STEAP3: variants seen among roughly 807,000 people sequenced by gnomAD.
STEAP3 encodes STEAP3 metalloreductase.
STEAP3 carries 35 observed loss-of-function variants against 34.9 expected under a neutral mutation model. The ratio of observed to expected loss-of-function variants is 1.00; its 90% CI spans 0.76 to 1.33. The LOEUF (loss-of-function observed/expected upper bound fraction) is 1.33. STEAP3 is among the 40% of genes most tolerant of loss of function. The pLI is 0.00. For missense variants in STEAP3, 652 were observed against 667.6 expected (o/e 0.98, Z 0.26); for synonymous variants, 281 against 301.6 (o/e 0.93, Z 0.71).
intron 2 of STEAP3, among the ~76,000 whole-genome samples, chr2:119,231,342 C>CGTGTGTGTGTGT (rs6146901): frequency 0.018 from 2,635 of 143,560 alleles, 54 homozygotes; most frequent in East Asian, 0.054. Context: ...CACACAGTTG[C>CGTGTGTGTGTGT]GTGTGTGTGT....
chr2:119,237,100 A>C (rs369953321), intron 2 of STEAP3, among the ~76,000 whole-genome samples: 1 of 152,246 alleles, frequency 6.6e-6, no homozygotes, highest in Non-Finnish European at 1.5e-5. Flanking sequence ...CTATAAAGGA[A>C]TACCTGAAGC....
intron 3 of STEAP3, chr2:119,246,888 A>T (rs1360167553): frequency 6.6e-6 from 1 of 152,118 alleles, no homozygotes; most frequent in East Asian, 1.9e-4. Context: ...CAATCTGAAA[A>T]GGCACAGAGA....
At chr2:119,237,130 A>G (rs1319347643) in intron 2 of STEAP3, among the ~76,000 whole-genome samples, 1 of 152,218 alleles carries the variant, frequency 6.6e-6, no homozygotes. Flanking sequence ...TGTAAAGAGA[A>G]AAGGTGTTTT....
chr2:119,256,884 A>G (rs1677789950), intron 5 of STEAP3, among the ~76,000 whole-genome samples: 1 of 152,252 alleles, frequency 6.6e-6, no homozygotes, highest in Non-Finnish European at 1.5e-5. Context: ...AATGCCTTAC[A>G]GGGATTTTAT....
intron 4 of STEAP3, among the ~76,000 whole-genome samples, 191 bp from the exon 5 acceptor site, chr2:119,254,493 G>A (rs953397158): frequency 1.1e-4 from 16 of 152,126 alleles, no homozygotes; most frequent in Admixed American, 8.5e-4. Context: ...GGCTAATAGT[G>A]ATCTCTACTT....
At chr2:119,231,622 C>A (rs1177929120) in intron 2 of STEAP3, among the ~76,000 whole-genome samples, 1 of 152,074 alleles carries the variant, frequency 6.6e-6, no homozygotes, top group Non-Finnish European at 1.5e-5. Context: ...TTCCATCAGA[C>A]GAAACTTGCG....
At chr2:119,250,623 G>A (rs1373138649) in intron 4 of STEAP3, among the ~76,000 whole-genome samples, 1 of 152,154 alleles carries the variant, frequency 6.6e-6, no homozygotes, top group Non-Finnish European at 1.5e-5. Context: ...TCCAGCAGCA[G>A]TGGGAAAGAC....
At position 119,245,631 on chromosome 2, in the gene STEAP3, A is replaced by G; in HGVS notation, c.165A>G (p.Thr55=). 6.2e-7 allele frequency: 1 copy of G among 1,610,366 alleles called. No homozygotes were observed. Among genetic ancestry groups the G allele is most frequent in the Non-Finnish European group, 8.5e-7 (1 of 1,176,900 alleles). The change falls in exon 3 of 6, where the codon ACA becomes ACG. Residue 55 remains threonine (T), a synonymous_variant. Coordinates refer to ENST00000393110, the MANE Select transcript of STEAP3 (RefSeq NM_182915.3). ...GSGDFARSLA[T]RLVGSGFKVV... ...GGGACTTTGCCCGCTCCCTGGCCAC[A>G]CGCCTGGTGGGCTCTGGCTTCAAAG... is the stretch of plus-strand genomic sequence containing the variant.
At chr2:119,225,209 G>A (rs982108265) in intron 1 of STEAP3, among the ~76,000 whole-genome samples, 3 of 152,230 alleles carry the variant, frequency 2.0e-5, no homozygotes, top group African/African-American at 7.2e-5. Context: ...CCCAGACTAT[G>A]TCTTACTCAT....
At chr2:119,251,468 A>G (rs909750064) in intron 4 of STEAP3, among the ~76,000 whole-genome samples, 7 of 152,206 alleles carry the variant, frequency 4.6e-5, no homozygotes, top group African/African-American at 1.7e-4. Context: ...TTCCCTGGAA[A>G]TACACATTTC....
At chr2:119,237,071 T>TA (rs1314199782) in intron 2 of STEAP3, among the ~76,000 whole-genome samples, 14 of 152,218 alleles carry the variant, frequency 9.2e-5, no homozygotes, top group African/African-American at 3.4e-4. Flanking sequence ...GCCACTGTGC[T>TA]AGTGTGGTCT....
chr2:119,246,186 G>T, intron 3 of STEAP3, 198 bp downstream of exon 3: 1 of 756,750 alleles, frequency 1.3e-6, no homozygotes, highest in Non-Finnish European at 2.1e-6. Flanking sequence ...GGTAAGTTGG[G>T]ATTTGAACCC....
intron 4 of STEAP3, among the ~76,000 whole-genome samples, chr2:119,254,470 C>T (rs985770494): frequency 6.6e-6 from 1 of 152,114 alleles, no homozygotes; most frequent in Non-Finnish European, 1.5e-5. Context: ...TCATTTCCTC[C>T]ATCTCTAAAA....
At chr2:119,241,389 G>A (rs898663014) in intron 2 of STEAP3, among the ~76,000 whole-genome samples, 2 of 152,212 alleles carry the variant, frequency 1.3e-5, no homozygotes, top group Admixed American at 1.3e-4. Context: ...TCAAGGAAGA[G>A]GCCGCCTAGG....
At chr2:119,255,443 A>G (rs1454879279) in intron 5 of STEAP3, among the ~76,000 whole-genome samples, 1 of 152,230 alleles carries the variant, frequency 6.6e-6, no homozygotes, top group Non-Finnish European at 1.5e-5. Context: ...CATCAGATGA[A>G]TTTGAGAAAA....
At chr2:119,255,746 TAA>T (rs56050427) in intron 5 of STEAP3, among the ~76,000 whole-genome samples, 4 of 147,774 alleles carry the variant, frequency 2.7e-5, no homozygotes, top group African/African-American at 5.0e-5. Context: ...CCTTGCCTCT[TAA>T]AAAAAAAAAA....
rs1677398992 is a variant in STEAP3, at chr2:119,245,752, G to A, written c.286G>A (p.Val96Ile). The A allele has an allele frequency of 1.2e-6, 2 of 1,614,218 alleles. No individual in the cohort carries two copies. Among genetic ancestry groups the A allele is most frequent in the Non-Finnish European group, 1.7e-6 (2 of 1,180,036 alleles). Residue 96 changes from valine (V) to isoleucine (I), a missense_variant, in exon 3 of 6, where the codon GTC becomes ATC. Coordinates refer to ENST00000393110, the MANE Select transcript of STEAP3 (RefSeq NM_182915.3). ...FQEEAVSSPE[V>I]IFVAVFREHY... ...AGAGGAGGCAGTGAGCTCCCCGGAGGTCATCTTTGTGGCTGTGTTCCGGGA... is the reference window on the plus strand; with the variant it reads ...AGAGGAGGCAGTGAGCTCCCCGGAGATCATCTTTGTGGCTGTGTTCCGGGA...
intron 5 of STEAP3, 94 bp from the exon 6 acceptor site, chr2:119,262,963 C>T: frequency 1.9e-6 from 3 of 1,540,178 alleles, no homozygotes; most frequent in Non-Finnish European, 2.6e-6. Flanking sequence ...AGCCACCCTC[C>T]TTCCCCTCCG....
rs1677458773 is a variant in STEAP3 at position 119,247,294 on chromosome 2, ACT to A, written c.523-382_523-381del. 2.6e-5 allele frequency among the ~76,000 whole-genome samples: 4 copies of A among 151,956 alleles called. No homozygotes were observed. In the South Asian group the frequency reaches 8.3e-4, roughly 32 times the overall value. ...CTGCCCATTCTGCACCATACGCAAA[ACT>A]CTTTTGCTGAGCGGCTCCCAGGGCA... On this transcript the variant is annotated intron_variant, in intron 3 of 5. Coordinates refer to ENST00000393110, the MANE Select transcript of STEAP3 (RefSeq NM_182915.3).
Sources: allele counts gnomAD v4.1 joint callset (sites outside exome capture counted in the v4.1 genomes callset), GRCh38; gene constraint gnomAD v4.1.1; transcripts MANE v1.5; gene names NCBI Gene and HGNC (gene_info 2026-07-23, HGNC 2026-07-21).